The following ARHGAP22 variants were observed in gnomAD, a reference collection of about 807,000 sequenced individuals.
The protein encoded by ARHGAP22 is Rho GTPase activating protein 22, also known as rho GTPase-activating protein 22.
ARHGAP22 carries 48 observed loss-of-function variants against 59.1 expected under a neutral mutation model. That is an observed-to-expected ratio of 0.81 (90% CI 0.64 to 1.03). The LOEUF (loss-of-function observed/expected upper bound fraction) is 1.03. ARHGAP22 is among the 50% of genes least tolerant of loss of function. ARHGAP22 has a pLI of 0.00. For missense variants in ARHGAP22, 1,015 were observed against 958.7 expected (o/e 1.06, Z -0.78); for synonymous variants, 445 against 416.4 (o/e 1.07, Z -0.84).
At chr10:48,483,293 G>A (rs1355067935) in intron 3 of ARHGAP22, among the ~76,000 whole-genome samples, 1 of 152,140 alleles carries the variant, frequency 6.6e-6, no homozygotes, top group African/African-American at 2.4e-5. Flanking sequence ...CTAAGCTTGT[G>A]GGAGTTATGC....
intron 3 of ARHGAP22, among the ~76,000 whole-genome samples, chr10:48,553,723 G>T (rs111696525): frequency 6.6e-6 from 1 of 152,036 alleles, no homozygotes; most frequent in East Asian, 1.9e-4. Context: ...TTCTCCTACC[G>T]CCCCCAACAC....
In ARHGAP22 at chr10:48,498,945, G is replaced by A. The variant is rs746095300; in HGVS notation, c.323-19181C>T. 7.4e-4 allele frequency among the ~76,000 whole-genome samples: 112 copies of A among 152,056 alleles called. 3 individuals carry two copies. Among genetic ancestry groups the A allele is most frequent in the Non-Finnish European group, 3.5e-4 (24 of 67,980 alleles). On this transcript the variant is annotated intron_variant, in intron 3 of 9. Coordinates refer to ENST00000249601, the MANE Select transcript of ARHGAP22 (RefSeq NM_021226.4). ...ACCGAGACCCAAGGGGAGCTTCTTG[G>A]AGGGACATCTGAGAAAGGCTCCCTC...
intron 3 of ARHGAP22, among the ~76,000 whole-genome samples, chr10:48,520,511 G>A (rs1375429050): frequency 6.6e-6 from 1 of 152,168 alleles, no homozygotes; most frequent in Non-Finnish European, 1.5e-5. Context: ...GTGGGGAGGA[G>A]GACAAAGGGG....
chr10:48,479,816 T>C (rs755929997), intron 3 of ARHGAP22, 52 bp from the exon 4 acceptor site: 1 of 1,481,762 alleles, frequency 6.7e-7, no homozygotes, highest in East Asian at 2.4e-5. Flanking sequence ...CGCAGCACAC[T>C]CTCCACCGCC....
rs1299221038 is a variant in ARHGAP22 at position 48,531,937 on chromosome 10, T to C, written c.322+23526A>G. Among the ~76,000 whole-genome samples the C allele has an allele frequency of 3.9e-5, 6 of 152,340 alleles. No individual in the cohort carries two copies. In the East Asian group the frequency reaches 9.6e-4, roughly 24 times the overall value. ...GGAGTGCTGGATTGAGACCGCGGGT[T>C]ATTGCTCCTAGCTTTTCAGAATAAT... On this transcript the variant is annotated intron_variant, in intron 3 of 9. Transcript: ENST00000249601.
At chr10:48,523,727 C>A (rs2054044753) in intron 3 of ARHGAP22, among the ~76,000 whole-genome samples, 1 of 152,016 alleles carries the variant, frequency 6.6e-6, no homozygotes, top group Non-Finnish European at 1.5e-5. Flanking sequence ...CTTGGCGGAC[C>A]TGCAGCCGGC....
At chr10:48,486,587 G>A (rs889397674) in intron 3 of ARHGAP22, among the ~76,000 whole-genome samples, 4 of 152,064 alleles carry the variant, frequency 2.6e-5, no homozygotes, top group Admixed American at 6.5e-5. Flanking sequence ...TGATCCACCC[G>A]TTTTGACCTC....
At chr10:48,458,515 G>T (rs2133766391) in intron 5 of ARHGAP22, among the ~76,000 whole-genome samples, 1 of 152,296 alleles carries the variant, frequency 6.6e-6, no homozygotes, top group African/African-American at 2.4e-5. Flanking sequence ...ACTCCAGGGA[G>T]CCCCAGCAGA....
the ARHGAP22 span, chr10:48,436,922 AGT>A: frequency 1.3e-5 from 2 of 152,334 alleles, no homozygotes; most frequent in East Asian, 3.9e-4. Context: ...TTTGAGAATG[AGT>A]GTGTTTATAT....
intron 3 of ARHGAP22, among the ~76,000 whole-genome samples, chr10:48,543,147 A>C (rs2056121861): frequency 6.6e-6 from 1 of 152,138 alleles, no homozygotes; most frequent in African/African-American, 2.4e-5. Flanking sequence ...CAACTAAAAA[A>C]CATGGTGCAG....
chr10:48,433,911 A>G, the ARHGAP22 span, among the ~76,000 whole-genome samples: 6 of 152,180 alleles, frequency 3.9e-5, no homozygotes, highest in African/African-American at 2.4e-5. Context: ...TATTTCATAA[A>G]TGTATTCTTG....
chr10:48,461,699 G>T (rs1387428387), intron 4 of ARHGAP22, among the ~76,000 whole-genome samples: 1 of 152,218 alleles, frequency 6.6e-6, no homozygotes, highest in African/African-American at 2.4e-5. Flanking sequence ...ACAGACTTGT[G>T]CCAGCCCCTA....
upstream of ARHGAP22, among the ~76,000 whole-genome samples, chr10:48,610,004 T>C (rs1349493492): frequency 2.0e-5 from 3 of 152,250 alleles, no homozygotes; most frequent in Non-Finnish European, 4.4e-5. Context: ...TTCCTGCCAT[T>C]GGGCACTTGG....
chr10:48,582,840 T>A, intron 2 of ARHGAP22, 113 bp downstream of exon 2: 1 of 1,243,474 alleles, frequency 8.0e-7, no homozygotes, highest in Non-Finnish European at 1.1e-6. Context: ...TGGCAAAACA[T>A]CACTGTGATG....
intron 3 of ARHGAP22, among the ~76,000 whole-genome samples, chr10:48,546,149 C>T (rs999169458): frequency 6.6e-6 from 1 of 152,192 alleles, no homozygotes; most frequent in Non-Finnish European, 1.5e-5. Flanking sequence ...CTTTAAGCAG[C>T]CTGGCTTCTG....
intron 3 of ARHGAP22, among the ~76,000 whole-genome samples, chr10:48,550,653 T>A (rs903830399): frequency 6.6e-6 from 1 of 152,226 alleles, no homozygotes; most frequent in Non-Finnish European, 1.5e-5. Context: ...GGAGATCAAC[T>A]GCCTGCCAAT....
intron 1 of ARHGAP22, among the ~76,000 whole-genome samples, chr10:48,649,915 C>T (rs1384678192): frequency 6.8e-6 from 1 of 147,036 alleles, no homozygotes; most frequent in Non-Finnish European, 1.5e-5. Context: ...CATTTGCCCT[C>T]AATCCTTGAA....
chr10:48,549,933 G>A (rs564804936), intron 3 of ARHGAP22, among the ~76,000 whole-genome samples: 4 of 152,250 alleles, frequency 2.6e-5, no homozygotes, highest in East Asian at 1.9e-4. Flanking sequence ...ACCACTGCCC[G>A]ACACCATTCT....
chr10:48,433,260 A>G, the ARHGAP22 span, among the ~76,000 whole-genome samples: 2 of 152,170 alleles, frequency 1.3e-5, no homozygotes, highest in African/African-American at 2.4e-5. Flanking sequence ...TTAAAAGTCA[A>G]TTTTTATCAG....
Sources: gnomAD v4.1 joint callset for allele counts (sites outside exome capture counted in the v4.1 genomes callset) on GRCh38, gnomAD v4.1.1 for gene constraint, MANE v1.5 for transcripts, NCBI Gene and HGNC (gene_info 2026-07-23, HGNC 2026-07-21) for gene names.